Variants in RORA observed in about 807,000 individuals in gnomAD.
The protein encoded by RORA is nuclear receptor ROR-alpha.
In RORA, 7 loss-of-function variants were observed where a neutral mutation model predicts 69.5. That is an observed-to-expected ratio of 0.10 (90% CI 0.06 to 0.19). The LOEUF (loss-of-function observed/expected upper bound fraction) is 0.19. RORA is among the 10% of genes least tolerant of loss of function. The pLI is 1.00. For missense variants in RORA, 457 were observed against 663.0 expected (o/e 0.69, Z 3.41); for synonymous variants, 261 against 240.8 (o/e 1.08, Z -0.78).
intron 1 of RORA, among the ~76,000 whole-genome samples, chr15:60,877,357 T>G (rs2073629298): frequency 6.6e-6 from 1 of 152,192 alleles, no homozygotes; most frequent in Non-Finnish European, 1.5e-5. Context: ...TCCCCAGGAC[T>G]TAGCATAGTG....
At chr15:61,095,703 C>T (rs1253592453) in intron 1 of RORA, among the ~76,000 whole-genome samples, 2 of 152,176 alleles carry the variant, frequency 1.3e-5, no homozygotes, top group Admixed American at 1.3e-4. Flanking sequence ...ATCCTATAGG[C>T]AAATCAGATT....
At chr15:61,099,324 G>C (rs964619627) in intron 1 of RORA, among the ~76,000 whole-genome samples, 9 of 152,146 alleles carry the variant, frequency 5.9e-5, no homozygotes, top group African/African-American at 2.2e-4. Context: ...TGCAAAGTTT[G>C]GGCAAGGTTT....
intron 1 of RORA, among the ~76,000 whole-genome samples, chr15:60,970,401 T>A (rs1039997317): frequency 4.6e-5 from 7 of 152,208 alleles, no homozygotes; most frequent in Non-Finnish European, 8.8e-5. Flanking sequence ...ATCAGTTCAA[T>A]TCCGCAAACA....
At chr15:60,800,299 C>T (rs997170895) in intron 1 of RORA, among the ~76,000 whole-genome samples, 3 of 152,222 alleles carry the variant, frequency 2.0e-5, no homozygotes, top group Admixed American at 6.5e-5. Context: ...TTTCCAACAC[C>T]TCTCTGGCCC....
chr15:60,539,722 C>CT lies in RORA; in HGVS notation c.197-7872dup, dbSNP rs151161582. On this transcript the variant is annotated intron_variant, in intron 2 of 10. Transcript: ENST00000335670. ...TACCACCAGGATCAGCAATACAATCCTTTTTTTTTTCTTTTTGTTTTTCCT... is the reference window on the plus strand; with the variant it reads ...TACCACCAGGATCAGCAATACAATCCTTTTTTTTTTTCTTTTTGTTTTTCCT... Among the ~76,000 whole-genome samples, 48 of 149,014 alleles carry CT rather than the reference C, an allele frequency of 3.2e-4. 1 individual carries two copies. The East Asian group carries it at 3.7e-3, about 12-fold the overall frequency.
At chr15:61,051,627 C>T (rs143591861) in intron 1 of RORA, among the ~76,000 whole-genome samples, 5 of 152,326 alleles carry the variant, frequency 3.3e-5, no homozygotes, top group African/African-American at 1.2e-4. Flanking sequence ...GAGAGTAAGA[C>T]ACCAGGACAG....
chr15:60,870,544 C>G (rs75861804), intron 1 of RORA, among the ~76,000 whole-genome samples: 2,090 of 152,272 alleles, frequency 0.014, 39 homozygotes, highest in African/African-American at 0.048. Context: ...CTTTAGCTAG[C>G]AAATCTCTGT....
At chr15:61,016,128 A>G (rs1276899606) in intron 1 of RORA, among the ~76,000 whole-genome samples, 2 of 152,182 alleles carry the variant, frequency 1.3e-5, no homozygotes, top group African/African-American at 2.4e-5. Context: ...TTTTTCTCTC[A>G]TTAGTACCAC....
chr15:60,904,267 G>A (rs1355494607), intron 1 of RORA, among the ~76,000 whole-genome samples: 1 of 152,180 alleles, frequency 6.6e-6, no homozygotes, highest in Non-Finnish European at 1.5e-5. Context: ...AGAGAGCTGA[G>A]CTTCAGATAC....
At chr15:60,889,247 G>A (rs962139589) in intron 1 of RORA, among the ~76,000 whole-genome samples, 1 of 152,182 alleles carries the variant, frequency 6.6e-6, no homozygotes, top group African/African-American at 2.4e-5. Flanking sequence ...AGCACAGAGA[G>A]GGGGTTCACT....
intron 1 of RORA, among the ~76,000 whole-genome samples, chr15:61,145,799 A>C (rs757261600): frequency 8.5e-5 from 13 of 152,172 alleles, no homozygotes; most frequent in Non-Finnish European, 1.6e-4. Context: ...TTCAGCCAAG[A>C]GAAGGGGGCA....
chr15:60,873,237 GTGTGTGTGTGTCTGTGTGTGTGTGTC>G (rs1457489493), intron 1 of RORA, among the ~76,000 whole-genome samples: 25 of 3,176 alleles, frequency 7.9e-3, no homozygotes, highest in South Asian at 0.022. Context: ...GTGTGTGTGT[GTGTGTGTGTGTCTGTGTGTGTGTGTC>G]TGTGTGTGTG....
chr15:61,099,297 G>A (rs190814754), intron 1 of RORA, among the ~76,000 whole-genome samples: 7 of 152,280 alleles, frequency 4.6e-5, no homozygotes, highest in East Asian at 3.9e-4. Context: ...ATGAGGTTCC[G>A]GTTCACAACC....
At chr15:60,738,051 A>C (rs1304602870) in intron 1 of RORA, among the ~76,000 whole-genome samples, 1 of 152,240 alleles carries the variant, frequency 6.6e-6, no homozygotes, top group Non-Finnish European at 1.5e-5. Context: ...CTTGAAAAGA[A>C]AGACCTATTG....
chr15:60,908,364 G>A (rs1230533739), intron 1 of RORA, among the ~76,000 whole-genome samples: 2 of 152,174 alleles, frequency 1.3e-5, no homozygotes, highest in South Asian at 2.1e-4. Flanking sequence ...AAAATGGAAT[G>A]CAAATATCCA....
rs931486576 is a variant in RORA, at chr15:61,213,654, C to T, written c.166+15399G>A. On this transcript the variant is annotated intron_variant, in intron 1 of 10. Transcript: ENST00000335670. This position sits in a 1 kb window ranked among gnomAD's most constrained non-coding sequence, Gnocchi z 4.1. ...GGGCAGGCATAACCACCTCAGTGAG[C>T]TTTCCCTAACTCCTCTCGGGGCATT... 6.6e-6 allele frequency: 1 copy of T among 152,224 alleles called. No individual in the cohort carries two copies. The highest frequency in any genetic ancestry group is 1.5e-5 in the Non-Finnish European group (1 of 68,056). The allele number at this position is 152,224 out of a possible 1,614,324, so 9.4% of individuals were successfully genotyped here.
At chr15:61,209,843 A>C (rs2140935744) in intron 1 of RORA, among the ~76,000 whole-genome samples, 1 of 152,330 alleles carries the variant, frequency 6.6e-6, no homozygotes, top group Non-Finnish European at 1.5e-5. Flanking sequence ...AGCCTCCCTA[A>C]ATCTGCATTT....
chr15:60,600,745 G>T (rs2140553645), intron 2 of RORA, among the ~76,000 whole-genome samples: 1 of 152,080 alleles, frequency 6.6e-6, no homozygotes, highest in Non-Finnish European at 1.5e-5. Context: ...ATTCCTGTTA[G>T]ATTTTTAGTA....
intron 2 of RORA, among the ~76,000 whole-genome samples, chr15:60,649,536 T>C (rs2070108883): frequency 6.6e-6 from 1 of 152,052 alleles, no homozygotes; most frequent in South Asian, 2.1e-4. Context: ...GTGTTAGGAG[T>C]TGCTAATCAG....
Sources: gnomAD v4.1 joint callset for allele counts (sites outside exome capture counted in the v4.1 genomes callset) on GRCh38, gnomAD v4.1.1 for gene constraint, Gnocchi (gnomAD v3.1) non-coding constraint, MANE v1.5 for transcripts, NCBI Gene and HGNC (gene_info 2026-07-23, HGNC 2026-07-21) for gene names.